PLCB4: variants seen among roughly 807,000 people sequenced by gnomAD.
PLCB4 encodes 1-phosphatidylinositol 4,5-bisphosphate phosphodiesterase beta-4.
In PLCB4, 77 loss-of-function variants were observed where a neutral mutation model predicts 178.8. The observed-to-expected ratio is 0.43, with a 90% CI of 0.36 to 0.52. The LOEUF (loss-of-function observed/expected upper bound fraction) is 0.52, where lower values mean the gene tolerates loss of function less well. Ranked by LOEUF, PLCB4 falls within the 20% of genes least tolerant of loss-of-function variation. PLCB4 has a pLI of 0.00. For synonymous variants in PLCB4, 496 were observed against 490.8 expected, an observed-to-expected ratio of 1.01 and a Z score of -0.14; for missense variants, 1,024 against 1,453.4, an observed-to-expected ratio of 0.70 and a Z score of 4.80.
At position 9,421,309 on chromosome 20, in the gene PLCB4, C is replaced by A; in HGVS notation, c.2167C>A (p.Gln723Lys). The A allele has an allele frequency of 6.2e-7, 1 of 1,613,190 alleles. No homozygotes were observed. Among genetic ancestry groups the A allele is most frequent in the South Asian group, 1.1e-5 (1 of 90,996 alleles). Reference sequence around the variant, plus strand: ...CGTGCTGCTACAGGTTATATCAGGTCAATTCTTATCAGATAAGAAAATTGG... The same window carrying A: ...CGTGCTGCTACAGGTTATATCAGGTAAATTCTTATCAGATAAGAAAATTGG... ...ATCSVQVISG[Q>K]FLSDKKIGTY... The change falls in exon 27 of 40, where the codon CAA (glutamine) becomes AAA (lysine). Residue 723 changes from glutamine to lysine, a missense_variant. Around this residue, in one of 7 missense-constraint regions of PLCB4, gnomAD observed 227 missense variants for 374.3 expected, o/e 0.61. Coordinates refer to ENST00000378473, the MANE Select transcript of PLCB4 (RefSeq NM_001377142.1).
intron 30 of PLCB4, 135 bp from the exon 31 acceptor site, chr20:9,443,846 A>T: frequency 1.7e-6 from 1 of 583,472 alleles, no homozygotes; most frequent in South Asian, 2.3e-5. Context: ...ATAGGAACTT[A>T]AGATGTTTAT....
At chr20:9,071,178 A>T (rs2089553975) in intron 1 of PLCB4, among the ~76,000 whole-genome samples, 1 of 152,166 alleles carries the variant, frequency 6.6e-6, no homozygotes, top group South Asian at 2.1e-4. Context: ...GATTTTAAAA[A>T]TTTGTATCAC....
intron 20 of PLCB4, among the ~76,000 whole-genome samples, chr20:9,402,820 A>C (rs2039135510): frequency 6.6e-6 from 1 of 152,204 alleles, no homozygotes; most frequent in Admixed American, 6.5e-5. Flanking sequence ...GGTACCATTT[A>C]CTGGCATGGG....
chr20:9,144,886 A>G (rs796929068), intron 2 of PLCB4, among the ~76,000 whole-genome samples: 18 of 152,230 alleles, frequency 1.2e-4, no homozygotes, highest in African/African-American at 4.3e-4. Flanking sequence ...ACATTGCCTA[A>G]GACTTCTCCA....
chr20:9,126,696 T>C (rs1401482964), intron 2 of PLCB4, among the ~76,000 whole-genome samples: 6 of 151,932 alleles, frequency 3.9e-5, no homozygotes, highest in African/African-American at 1.5e-4. Flanking sequence ...AAAAAATACA[T>C]TAAGCACAAC....
At chr20:9,336,567 A>G (rs1407328188) in intron 4 of PLCB4, among the ~76,000 whole-genome samples, 1 of 152,114 alleles carries the variant, frequency 6.6e-6, no homozygotes, top group East Asian at 1.9e-4. Flanking sequence ...CTGGGGCCTC[A>G]TATTCTGCAA....
chr20:9,192,143 G>C (rs183054404), intron 2 of PLCB4, among the ~76,000 whole-genome samples: 150 of 152,282 alleles, frequency 9.9e-4, no homozygotes, highest in Non-Finnish European at 1.9e-3. Context: ...CAGTCTTGGA[G>C]TTCCTAGCAG....
chr20:9,210,486 G>C (rs1053418018), intron 2 of PLCB4, among the ~76,000 whole-genome samples: 1 of 152,136 alleles, frequency 6.6e-6, no homozygotes, highest in Admixed American at 6.5e-5. Context: ...CATAGGTGAC[G>C]GAGTTGGCTG....
chr20:9,404,932 T>C (rs945618755), intron 20 of PLCB4, among the ~76,000 whole-genome samples: 5 of 152,292 alleles, frequency 3.3e-5, no homozygotes, highest in African/African-American at 7.2e-5. Flanking sequence ...AGTATATGAA[T>C]TGGGGACAGT....
chr20:9,375,603 G>C (rs1254236853), intron 12 of PLCB4, among the ~76,000 whole-genome samples: 1 of 152,044 alleles, frequency 6.6e-6, no homozygotes, highest in Non-Finnish European at 1.5e-5. Flanking sequence ...ATAATCCTTT[G>C]AGTATGATAC....
chr20:9,457,293 G>A (rs1470195093), intron 33 of PLCB4, 121 bp from the exon 34 acceptor site: 2 of 663,570 alleles, frequency 3.0e-6, no homozygotes, highest in Non-Finnish European at 5.5e-6. Flanking sequence ...GTTGCCCAAT[G>A]AGCCATGACA....
chr20:9,421,484 A>G, intron 27 of PLCB4, 23 bp downstream of exon 27: 2 of 1,598,394 alleles, frequency 1.3e-6, no homozygotes, highest in Non-Finnish European at 1.7e-6. Flanking sequence ...CAGCACGTCA[A>G]ACTTACTCTA....
chr20:9,421,244 A>T, intron 26 of PLCB4, 53 bp from the exon 27 acceptor site: 2 of 1,382,000 alleles, frequency 1.4e-6, no homozygotes, highest in Middle Eastern at 2.2e-4. Flanking sequence ...ATTTTTTGCT[A>T]CTGATGCTTA....
At chr20:9,401,017 C>CTA (rs1295273765) in intron 19 of PLCB4, among the ~76,000 whole-genome samples, 2 of 152,142 alleles carry the variant, frequency 1.3e-5, no homozygotes, top group African/African-American at 4.8e-5. Flanking sequence ...CCACTCCAAG[C>CTA]TATAAGTCAT....
intron 2 of PLCB4, among the ~76,000 whole-genome samples, chr20:9,144,763 GGAGGGGAA>G (rs2092566214): frequency 1.2e-5 from 1 of 83,804 alleles, no homozygotes; most frequent in Non-Finnish European, 2.3e-5. Context: ...AGGAGGGGAA[GGAGGGGAA>G]TGAGGGGGAG....
rs767541617 is a variant in PLCB4, at chr20:9,372,386, A to G, written c.669A>G (p.Glu223=). ...TQKICPRTDI[E]DLFKKINGDK... is the part of the protein sequence containing the mutation. ...AGATTTGTCCTCGGACAGATATAGA[A>G]GATCTTTTCAAAAAAATGTAAGTTC... The change falls in exon 11 of 40, where the codon GAA becomes GAG. Residue 223 remains glutamate, a synonymous_variant. Coordinates refer to ENST00000378473, the MANE Select transcript of PLCB4 (RefSeq NM_001377142.1). 26 of 1,566,778 alleles carry G rather than the reference A, an allele frequency of 1.7e-5. No homozygotes were observed. The highest frequency in any genetic ancestry group is 2.3e-5 in the Non-Finnish European group (26 of 1,141,838).
chr20:9,171,051 A>G (rs1447473999), intron 2 of PLCB4, among the ~76,000 whole-genome samples: 1 of 152,172 alleles, frequency 6.6e-6, no homozygotes, highest in Non-Finnish European at 1.5e-5. Flanking sequence ...ACAAATCACT[A>G]CTTCAGTGGA....
intron 3 of PLCB4, among the ~76,000 whole-genome samples, chr20:9,283,408 G>A (rs1191094887): frequency 1.3e-5 from 2 of 151,866 alleles, no homozygotes; most frequent in African/African-American, 2.4e-5. Flanking sequence ...CAACTCTTAG[G>A]TGTCTGAAGG....
intron 4 of PLCB4, among the ~76,000 whole-genome samples, chr20:9,329,935 T>C (rs77350936): frequency 0.022 from 3,305 of 152,228 alleles, 133 homozygotes; most frequent in African/African-American, 0.075. Context: ...CCCATGCCCA[T>C]CTATTACATC....
Sources: gnomAD v4.1 joint callset for allele counts (sites outside exome capture counted in the v4.1 genomes callset) on GRCh38, gnomAD v4.1.1 for gene constraint, gnomAD v4.1.1 regional missense constraint, MANE v1.5 for transcripts, NCBI Gene and HGNC (gene_info 2026-07-23, HGNC 2026-07-21) for gene names.